SRGAP1: variants seen among roughly 807,000 people sequenced by gnomAD.
SRGAP1 encodes the protein SLIT-ROBO Rho GTPase-activating protein 1.
SRGAP1 carries 43 observed loss-of-function variants against 121.9 expected under a neutral mutation model. That is an observed-to-expected ratio of 0.35 (90% CI 0.28 to 0.46). The LOEUF (loss-of-function observed/expected upper bound fraction) is 0.46. SRGAP1 is among the 20% of genes least tolerant of loss of function. The pLI is 1.00. For synonymous variants in SRGAP1, 447 were observed against 485.4 expected, an observed-to-expected ratio of 0.92 and a Z score of 1.04; for missense variants, 1,102 against 1,350.9, an observed-to-expected ratio of 0.82 and a Z score of 2.89.
At chr12:64,016,070 T>A (rs928552949) in intron 3 of SRGAP1, among the ~76,000 whole-genome samples, 4 of 152,162 alleles carry the variant, frequency 2.6e-5, no homozygotes, top group Admixed American at 2.6e-4. Context: ...ACTCTCCACT[T>A]TTTTGTCTTC....
Position 64,127,702 on chromosome 12 carries a change from C to T in SRGAP1, c.2518C>T (p.His840Tyr), listed in dbSNP as rs2036716786. 5 of 1,614,150 alleles carry T rather than the reference C, an allele frequency of 3.1e-6. No homozygotes were observed. The African/African-American group carries it at 5.3e-5, about 17-fold the overall frequency. ...GGACATGAACTCCCCGACAGACCGTCATCCTGACGGCTATTTAGCCAGGTA... is the reference window on the plus strand; with the variant it reads ...GGACATGAACTCCCCGACAGACCGTTATCCTGACGGCTATTTAGCCAGGTA... ...SKDMNSPTDR[H>Y]PDGYLARQRK... The change falls in exon 20 of 22, where the codon CAT (histidine) becomes TAT (tyrosine). Residue 840 changes from histidine (H) to tyrosine (Y), a missense_variant. By Grantham distance (83) the His-to-Tyr change is moderately conservative (BLOSUM62 2). Around this residue, in one of 3 missense-constraint regions of SRGAP1, gnomAD observed 315 missense variants for 343.1 expected, o/e 0.92. Coordinates refer to ENST00000355086, the MANE Select transcript of SRGAP1 (RefSeq NM_020762.4).
intron 3 of SRGAP1, among the ~76,000 whole-genome samples, chr12:64,011,258 CTAAT>C (rs2034244386): frequency 1.3e-5 from 2 of 151,538 alleles, no homozygotes; most frequent in Admixed American, 1.3e-4. Context: ...CAGAGGAAGC[CTAAT>C]TAGATTTTAT....
intron 21 of SRGAP1, among the ~76,000 whole-genome samples, chr12:64,132,853 G>A (rs192922079): frequency 6.6e-5 from 10 of 152,380 alleles, no homozygotes; most frequent in African/African-American, 2.2e-4. Context: ...AGGTAGGACA[G>A]TAAAGGTATA....
rs61754221 is a variant in SRGAP1 at position 64,127,944 on chromosome 12, A to C, written c.2624A>C (p.His875Pro). Residue 875 changes from histidine (H) to proline (P), a missense_variant, in exon 21 of 22, where the codon CAT becomes CCT. His to Pro is a moderately conservative substitution (Grantham distance 77). Around this residue, in one of 3 missense-constraint regions of SRGAP1, gnomAD observed 315 missense variants for 343.1 expected, o/e 0.92. Transcript: ENST00000355086. ...SDGHCPLHPP[H>P]ALSNSSVDLG... is the part of the protein sequence containing the mutation. The stretch of plus-strand genomic sequence containing the variant: ...GGCCATTGCCCGCTCCACCCTCCAC[A>C]TGCCCTTTCTAACTCCTCAGTTGAC... The C allele has an allele frequency of 1.4e-5, 22 of 1,614,032 alleles. No homozygotes were observed. Among genetic ancestry groups the C allele is most frequent in the Non-Finnish European group, 1.8e-5 (21 of 1,180,014 alleles).
chr12:63,905,776 A>G (rs915478928), intron 1 of SRGAP1, among the ~76,000 whole-genome samples: 1 of 152,222 alleles, frequency 6.6e-6, no homozygotes, highest in Non-Finnish European at 1.5e-5. Flanking sequence ...CCCTTTTGCT[A>G]TGTTGGAGCT....
At chr12:64,112,039 G>A (rs997678479) in intron 17 of SRGAP1, 53 bp downstream of exon 17, 2 of 1,407,378 alleles carry the variant, frequency 1.4e-6, no homozygotes, top group African/African-American at 1.4e-5. Context: ...TGGAAATATA[G>A]CTATCAATTT....
chr12:64,019,169 A>G (rs17100007), intron 4 of SRGAP1, among the ~76,000 whole-genome samples: 5,559 of 152,314 alleles, frequency 0.036, 349 homozygotes, highest in African/African-American at 0.13. Context: ...AGAAAAGTCA[A>G]TAGAGTGTCC....
At chr12:63,900,675 G>A (rs2136306168) in intron 1 of SRGAP1, among the ~76,000 whole-genome samples, 1 of 152,144 alleles carries the variant, frequency 6.6e-6, no homozygotes, top group South Asian at 2.1e-4. Context: ...TTAGCCAGGT[G>A]TGGTGGCATG....
intron 1 of SRGAP1, among the ~76,000 whole-genome samples, chr12:63,910,074 A>C (rs1167458169): frequency 1.3e-5 from 2 of 152,236 alleles, no homozygotes; most frequent in Non-Finnish European, 2.9e-5. Context: ...ACATAAAACT[A>C]AGGATCAGAG....
At chr12:64,117,795 C>A (rs2036546985) in intron 18 of SRGAP1, among the ~76,000 whole-genome samples, 1 of 152,150 alleles carries the variant, frequency 6.6e-6, no homozygotes, top group African/African-American at 2.4e-5. Flanking sequence ...ACCGTTCCAC[C>A]CTTTGATTCT....
intron 21 of SRGAP1, among the ~76,000 whole-genome samples, chr12:64,137,981 TAA>T (rs766805243): frequency 0.17 from 23,769 of 143,612 alleles, 2,088 homozygotes; most frequent in Non-Finnish European, 0.18. Context: ...TATATATATA[TAA>T]AAAATAATAA....
chr12:63,992,872 T>C (rs979076354), intron 3 of SRGAP1, among the ~76,000 whole-genome samples: 7 of 152,164 alleles, frequency 4.6e-5, no homozygotes, highest in African/African-American at 1.7e-4. Context: ...TGGCATTTAG[T>C]AGGGGGAATG....
chr12:63,922,543 T>C (rs2031101343), intron 1 of SRGAP1, among the ~76,000 whole-genome samples: 1 of 152,230 alleles, frequency 6.6e-6, no homozygotes, highest in African/African-American at 2.4e-5. Flanking sequence ...TTCTTTACCA[T>C]GGTAGACTAG....
chr12:63,912,561 C>G (rs1200032897), intron 1 of SRGAP1, among the ~76,000 whole-genome samples: 1 of 151,928 alleles, frequency 6.6e-6, no homozygotes, highest in Non-Finnish European at 1.5e-5. Flanking sequence ...CTGCAGTGAG[C>G]TATGATTAAG....
At chr12:64,123,798 A>C (rs1370010699) in intron 18 of SRGAP1, among the ~76,000 whole-genome samples, 1 of 151,836 alleles carries the variant, frequency 6.6e-6, no homozygotes, top group Non-Finnish European at 1.5e-5. Context: ...GGCGAGAGCC[A>C]CTGCACCCAG....
rs771587209 is a variant in SRGAP1, at chr12:64,142,613, C to G, written c.3199C>G (p.Pro1067Ala). Residue 1067 changes from proline (P) to alanine (A), a missense_variant, in exon 22 of 22, where the codon CCT becomes GCT. Around this residue, in one of 3 missense-constraint regions of SRGAP1, gnomAD observed 315 missense variants for 343.1 expected, o/e 0.92. Coordinates refer to ENST00000355086, the MANE Select transcript of SRGAP1 (RefSeq NM_020762.4). ...ACCTGCTGTTCTTCCAAAAACAAAT[C>G]CTACCATAGGACCTGCCCCACCTCC... ...PKPAVLPKTN[P>A]TIGPAPPPQG... 41 of 1,614,074 alleles carry G rather than the reference C, an allele frequency of 2.5e-5. No homozygotes were observed. The East Asian group carries it at 9.1e-4, about 36-fold the overall frequency.
At chr12:63,949,396 T>TTTATTATTATTA (rs71089906) in intron 1 of SRGAP1, among the ~76,000 whole-genome samples, 1 of 126,068 alleles carries the variant, frequency 7.9e-6, no homozygotes, top group African/African-American at 3.1e-5. Flanking sequence ...ATTTTTATTA[T>TTTATTATTATTA]TTATTATTAT....
At chr12:63,922,093 A>G (rs6581512) in intron 1 of SRGAP1, among the ~76,000 whole-genome samples, 124,685 of 151,672 alleles carry the variant, frequency 0.82, 51,432 homozygotes, top group East Asian at 0.91. Flanking sequence ...ATTCTCTTGC[A>G]TCAGCCTCCC....
intron 6 of SRGAP1, among the ~76,000 whole-genome samples, chr12:64,045,472 G>A (rs1433988884): frequency 6.7e-6 from 1 of 150,136 alleles, no homozygotes; most frequent in Non-Finnish European, 1.5e-5. Flanking sequence ...GTCTCACTCT[G>A]TCACGTAGGC....
Sources: gnomAD v4.1 joint callset for allele counts (sites outside exome capture counted in the v4.1 genomes callset) on GRCh38, gnomAD v4.1.1 for gene constraint, gnomAD v4.1.1 regional missense constraint, MANE v1.5 for transcripts, NCBI Gene and HGNC (gene_info 2026-07-23, HGNC 2026-07-21) for gene names.